Variants in ANK3 observed in about 807,000 individuals in gnomAD.
ANK3 encodes the protein ankyrin-3.
A neutral mutation model predicts 370.9 loss-of-function variants in ANK3; 57 were observed. The observed-to-expected ratio is 0.15, with a 90% CI of 0.12 to 0.19. The LOEUF is 0.19. Among genes scored for constraint, ANK3 ranks in the 10% least tolerant of loss-of-function variants. The probability of loss-of-function intolerance (pLI) is 1.00; values close to 1 mark genes in which losing one functional copy is unlikely to be tolerated. For synonymous variants in ANK3, 1,929 were observed against 1,946.3 expected, an observed-to-expected ratio of 0.99 and a Z score of 0.23; for missense variants, 4,439 against 5,302.1, an observed-to-expected ratio of 0.84 and a Z score of 5.06.
At chr10:60,289,993 T>C (rs952643240) in intron 1 of ANK3, among the ~76,000 whole-genome samples, 4 of 152,274 alleles carry the variant, frequency 2.6e-5, no homozygotes, top group Non-Finnish European at 4.4e-5. Context: ...TTTTTTCCTA[T>C]GAGACTAGAG....
rs1276732821 is a variant in ANK3 at position 60,085,158 on chromosome 10, T to G, written c.3844A>C (p.Arg1282=). The part of the protein sequence containing the change: ...CVSFTTNVSA[R]FWLADCHQVL... Reference sequence around the variant, plus strand: ...TTTTGGAATCCTTTATTTCCATACCTGGCTGAAACATTGGTTGTAAAGGAG... The same window carrying G: ...TTTTGGAATCCTTTATTTCCATACCGGGCTGAAACATTGGTTGTAAAGGAG... Residue 1282 remains arginine, a splice_region_variant and synonymous_variant, in exon 31 of 44, where the codon AGA becomes CGA. Coordinates refer to ENST00000280772, the MANE Select transcript of ANK3 (RefSeq NM_020987.5). 6.2e-7 allele frequency: 1 copy of G among 1,608,374 alleles called. No homozygotes were observed. The highest frequency in any genetic ancestry group is 8.5e-7 in the Non-Finnish European group (1 of 1,177,462).
chr10:60,444,708 A>T (rs1358318519), intron 2 of ANK3, among the ~76,000 whole-genome samples: 1 of 152,092 alleles, frequency 6.6e-6, no homozygotes, highest in East Asian at 1.9e-4. Flanking sequence ...CTTTTTAAGC[A>T]AGTTCTTAAA....
At chr10:60,171,530 TTTG>T (rs1323275818) in intron 21 of ANK3, among the ~76,000 whole-genome samples, 1 of 151,884 alleles carries the variant, frequency 6.6e-6, no homozygotes, top group Non-Finnish European at 1.5e-5. Context: ...CTATATTTAC[TTTG>T]TTAAGAGTCA....
intron 1 of ANK3, among the ~76,000 whole-genome samples, chr10:60,666,546 A>G (rs2078998401): frequency 6.6e-6 from 1 of 152,200 alleles, no homozygotes; most frequent in African/African-American, 2.4e-5. Context: ...TCTGAACTGT[A>G]CACCTTAAAA....
At chr10:60,426,204 G>A (rs1256656580) in intron 2 of ANK3, among the ~76,000 whole-genome samples, 1 of 151,966 alleles carries the variant, frequency 6.6e-6, no homozygotes, top group East Asian at 1.9e-4. Flanking sequence ...CCTGCTTCCA[G>A]TTTGGCCAAT....
At chr10:60,192,828 C>A (rs2096514938) in intron 16 of ANK3, among the ~76,000 whole-genome samples, 1 of 152,098 alleles carries the variant, frequency 6.6e-6, no homozygotes, top group Admixed American at 6.6e-5. Context: ...TGCACTTGTA[C>A]CCCCAAATTG....
chr10:60,420,081 C>T (rs1367585111), intron 2 of ANK3, among the ~76,000 whole-genome samples: 1 of 152,086 alleles, frequency 6.6e-6, no homozygotes, highest in Non-Finnish European at 1.5e-5. Context: ...GTACTGGCTA[C>T]TCCCAATGGC....
chr10:60,245,490 T>C (rs952110530), intron 7 of ANK3, among the ~76,000 whole-genome samples: 3 of 152,186 alleles, frequency 2.0e-5, no homozygotes, highest in Non-Finnish European at 4.4e-5. Context: ...TACCATTAGG[T>C]GGTCACTTCC....
At chr10:60,169,125 T>C (rs1391722780) in intron 21 of ANK3, among the ~76,000 whole-genome samples, 5 of 152,176 alleles carry the variant, frequency 3.3e-5, no homozygotes, top group Admixed American at 6.5e-5. Flanking sequence ...TGCCACACTG[T>C]CTTATATGAT....
rs746270913 is a variant in ANK3 at position 60,203,140 on chromosome 10, C to T, written c.1294-40G>A. On this transcript the variant is annotated intron_variant, in intron 11 of 43. Coordinates refer to ENST00000280772, the MANE Select transcript of ANK3 (RefSeq NM_020987.5). ...AGAAAATGGTGGTTTGTTGGCTTAG[C>T]ATAAAAAAGGTTTGTCTGTGAGCCT... 1.6e-5 allele frequency: 24 copies of T among 1,508,686 alleles called. No individual in the cohort carries two copies. The Admixed American group carries it at 4.1e-4, about 26-fold the overall frequency. The allele number at this position is 1,508,686 out of a possible 1,614,324, so 93.5% of individuals were successfully genotyped here. A position where few individuals can be genotyped will look rare whatever the true frequency, so the allele number is the denominator to read the frequency against.
At chr10:60,591,357 CAG>C (rs2077911240) in intron 2 of ANK3, among the ~76,000 whole-genome samples, 1 of 120,908 alleles carries the variant, frequency 8.3e-6, no homozygotes, top group Admixed American at 8.2e-5. Flanking sequence ...ATTTTTGTGG[CAG>C]AGTCTTGCTC....
intron 9 of ANK3, among the ~76,000 whole-genome samples, chr10:60,208,944 T>A (rs957971149): frequency 6.6e-6 from 1 of 152,166 alleles, no homozygotes; most frequent in Non-Finnish European, 1.5e-5. Flanking sequence ...TTAGTTTAAA[T>A]CAACTGGGTT....
chr10:60,467,835 A>C (rs1404958413), intron 2 of ANK3, among the ~76,000 whole-genome samples: 3 of 152,296 alleles, frequency 2.0e-5, no homozygotes, highest in African/African-American at 7.2e-5. Context: ...TAGACTGTTT[A>C]TGAATACATA....
chr10:60,211,679 A>T (rs1034572001), intron 9 of ANK3, among the ~76,000 whole-genome samples: 11 of 152,140 alleles, frequency 7.2e-5, no homozygotes, highest in African/African-American at 2.7e-4. Flanking sequence ...ATGTATTCAC[A>T]CATGTGTGCA....
intron 2 of ANK3, among the ~76,000 whole-genome samples, chr10:60,442,847 T>A (rs1368360156): frequency 6.6e-6 from 1 of 152,156 alleles, no homozygotes; most frequent in Non-Finnish European, 1.5e-5. Flanking sequence ...GATAAAAAAA[T>A]TAAAGCACAA....
chr10:60,464,304 A>G (rs2064960283), intron 2 of ANK3, among the ~76,000 whole-genome samples: 2 of 152,208 alleles, frequency 1.3e-5, no homozygotes. Flanking sequence ...TTAACTATAA[A>G]TACTTTTATG....
chr10:60,182,506 G>C (rs924876998), intron 17 of ANK3, among the ~76,000 whole-genome samples: 3 of 152,168 alleles, frequency 2.0e-5, no homozygotes, highest in Admixed American at 2.0e-4. Context: ...GTTGGTGTTA[G>C]TACTTTCAGA....
chr10:60,714,057 C>T (rs2079748432), intron 1 of ANK3, among the ~76,000 whole-genome samples: 1 of 151,860 alleles, frequency 6.6e-6, no homozygotes, highest in African/African-American at 2.4e-5. Context: ...AAAAGAGGGG[C>T]CACCATTATT....
At chr10:60,416,363 C>A (rs1239389052) in intron 2 of ANK3, among the ~76,000 whole-genome samples, 2 of 152,154 alleles carry the variant, frequency 1.3e-5, no homozygotes, top group Non-Finnish European at 2.9e-5. Flanking sequence ...ATAAGCCAGA[C>A]ACATGTATCT....
Sources: allele counts gnomAD v4.1 joint callset (sites outside exome capture counted in the v4.1 genomes callset), GRCh38; gene constraint gnomAD v4.1.1; transcripts MANE v1.5; gene names NCBI Gene and HGNC (gene_info 2026-07-23, HGNC 2026-07-21).